Variants in CACNG3 observed in about 807,000 individuals in gnomAD.
The protein encoded by CACNG3 is calcium voltage-gated channel auxiliary subunit gamma 3, also known as voltage-dependent calcium channel gamma-3 subunit.
A neutral mutation model predicts 28.5 loss-of-function variants in CACNG3; 3 were observed. That is an observed-to-expected ratio of 0.11 (90% confidence interval 0.05 to 0.27). The LOEUF (loss-of-function observed/expected upper bound fraction) is 0.27. Ranked by LOEUF, CACNG3 falls within the 10% of genes least tolerant of loss-of-function variation. The pLI, the probability that CACNG3 is intolerant of heterozygous loss-of-function variation, is 1.00. For missense variants in CACNG3, 236 were observed against 414.4 expected (o/e 0.57, Z 3.74); for synonymous variants, 174 against 162.2 (o/e 1.07, Z -0.55).
intron 1 of CACNG3, among the ~76,000 whole-genome samples, chr16:24,310,892 G>A (rs2141364416): frequency 6.6e-6 from 1 of 152,228 alleles, no homozygotes; most frequent in East Asian, 1.9e-4. Context: ...ATCCTTCCCT[G>A]AGCCTCTCAG....
At chr16:24,328,199 A>T (rs1272241832) in intron 1 of CACNG3, among the ~76,000 whole-genome samples, 1 of 152,054 alleles carries the variant, frequency 6.6e-6, no homozygotes, top group African/African-American at 2.4e-5. Context: ...AGATTATTGG[A>T]TGGCATCAGC....
At position 24,289,731 on chromosome 16, in the gene CACNG3, G is replaced by C. The variant is rs541577753; in HGVS notation, c.211+32766G>C. Among the ~76,000 whole-genome samples the C allele has an allele frequency of 1.2e-4, 19 of 152,322 alleles. No homozygotes were observed. In the South Asian group the frequency reaches 3.9e-3, roughly 32 times the overall value. ...ACGCTCTGTGGCACTAGACTGCCTG[G>C]ATTTGCAGATCCACTACCTGAAGGA... On this transcript the variant is annotated intron_variant, in intron 1 of 3. Transcript: ENST00000005284.
intron 1 of CACNG3, among the ~76,000 whole-genome samples, chr16:24,264,472 A>C (rs1355230964): frequency 6.6e-6 from 1 of 152,230 alleles, no homozygotes; most frequent in Admixed American, 6.5e-5. Flanking sequence ...GTAGGAAGGT[A>C]CCATAGGACC....
chr16:24,360,370 G>C (rs1320488057), intron 3 of CACNG3, among the ~76,000 whole-genome samples: 1 of 152,168 alleles, frequency 6.6e-6, no homozygotes, highest in African/African-American at 2.4e-5. Context: ...TCTCCAGTGG[G>C]CTAAGCAGCT....
At chr16:24,286,207 A>G (rs899236174) in intron 1 of CACNG3, among the ~76,000 whole-genome samples, 1 of 151,866 alleles carries the variant, frequency 6.6e-6, no homozygotes, top group Non-Finnish European at 1.5e-5. Context: ...TGTCATTGTC[A>G]TTCTTGTCAC....
At chr16:24,311,792 G>A (rs913467167) in intron 1 of CACNG3, among the ~76,000 whole-genome samples, 4 of 152,264 alleles carry the variant, frequency 2.6e-5, no homozygotes, top group Admixed American at 2.0e-4. Flanking sequence ...GGAGGTGGAG[G>A]TGAGCCCATA....
Position 24,256,602 on chromosome 16 carries a change from C to T in CACNG3, c.-153C>T, listed in dbSNP as rs938194480. On this transcript the variant is annotated 5_prime_UTR_variant, in exon 1 of 4. Transcript: ENST00000005284. This position sits in a 1 kb window ranked among gnomAD's most constrained non-coding sequence, Gnocchi z 4.6. ...TGGAGAGAGCTCCAGAAAGGAAATC[C>T]CAGCTTTCCCAAAGTCCCTGTGGAT... 2.5e-5 allele frequency: 16 copies of T among 637,910 alleles called. No homozygotes were observed. In the African/African-American group the frequency reaches 2.7e-4, roughly 11 times the overall value. The allele number at this position is 637,910 out of a possible 1,614,324, so 39.5% of individuals were successfully genotyped here.
chr16:24,339,606 G>T (rs761473134), intron 1 of CACNG3, among the ~76,000 whole-genome samples: 1 of 152,028 alleles, frequency 6.6e-6, no homozygotes, highest in African/African-American at 2.4e-5. Flanking sequence ...GGCTGGCCTC[G>T]AACTCCAGAC....
intron 1 of CACNG3, among the ~76,000 whole-genome samples, chr16:24,346,327 T>A (rs1035151028): frequency 6.6e-5 from 10 of 152,146 alleles, no homozygotes; most frequent in African/African-American, 1.4e-4. Flanking sequence ...ATCCTAGCAC[T>A]TTGGGAGGCT....
intron 1 of CACNG3, among the ~76,000 whole-genome samples, chr16:24,261,270 T>C (rs927389774): frequency 2.6e-5 from 4 of 152,152 alleles, no homozygotes; most frequent in African/African-American, 9.7e-5. Context: ...GTATTGTAAC[T>C]GAAACTCGGT....
chr16:24,317,111 T>A (rs76832246), intron 1 of CACNG3, among the ~76,000 whole-genome samples: 3,634 of 152,252 alleles, frequency 0.024, 126 homozygotes, highest in African/African-American at 0.073. Flanking sequence ...TCATCATTAT[T>A]GCCCACACAT....
intron 2 of CACNG3, among the ~76,000 whole-genome samples, chr16:24,352,106 G>C (rs1216652280): frequency 6.6e-6 from 1 of 151,958 alleles, no homozygotes; most frequent in Admixed American, 6.6e-5. Context: ...ATCCCTCCTA[G>C]GCCCACAGGT....
chr16:24,351,661 C>CGAAAGAAAGAAAGAAA (rs146309041), intron 2 of CACNG3, among the ~76,000 whole-genome samples: 58 of 111,130 alleles, frequency 5.2e-4, no homozygotes, highest in East Asian at 2.1e-3. Context: ...GAAAGACAGA[C>CGAAAGAAAGAAAGAAA]GAAAGAAAGA....
At chr16:24,346,634 A>G (rs1039502458) in intron 1 of CACNG3, 100 bp from the exon 2 acceptor site, 1 of 792,286 alleles carries the variant, frequency 1.3e-6, no homozygotes, top group Non-Finnish European at 2.1e-6. Flanking sequence ...ACAGCCCCCA[A>G]CAACCAGAGA....
intron 1 of CACNG3, among the ~76,000 whole-genome samples, chr16:24,277,544 G>C (rs558860558): frequency 5.9e-5 from 9 of 152,270 alleles, no homozygotes; most frequent in African/African-American, 2.2e-4. Flanking sequence ...GGAGGCCGAG[G>C]TGCGCGGATC....
At chr16:24,302,283 T>A (rs1165983965) in intron 1 of CACNG3, among the ~76,000 whole-genome samples, 1 of 152,162 alleles carries the variant, frequency 6.6e-6, no homozygotes, top group African/African-American at 2.4e-5. Context: ...CCTGGGTCTG[T>A]AAAAATAAGC....
At chr16:24,269,148 T>C (rs1038282668) in intron 1 of CACNG3, among the ~76,000 whole-genome samples, 1 of 152,082 alleles carries the variant, frequency 6.6e-6, no homozygotes, top group Non-Finnish European at 1.5e-5. Context: ...AGCCTGCAGG[T>C]TGTAGGAAAT....
chr16:24,342,013 A>ATTCCCT (rs1212698590), intron 1 of CACNG3, among the ~76,000 whole-genome samples: 1 of 152,234 alleles, frequency 6.6e-6, no homozygotes, highest in African/African-American at 2.4e-5. Flanking sequence ...CACGCCTGTC[A>ATTCCCT]TCCCAGCGCT....
At chr16:24,289,034 G>T (rs1898930176) in intron 1 of CACNG3, among the ~76,000 whole-genome samples, 1 of 152,160 alleles carries the variant, frequency 6.6e-6, no homozygotes, top group Non-Finnish European at 1.5e-5. Context: ...GTCTTTCCTG[G>T]CCAGGGATGC....
Sources: allele counts gnomAD v4.1 joint callset (sites outside exome capture counted in the v4.1 genomes callset), GRCh38; gene constraint gnomAD v4.1.1; non-coding constraint Gnocchi (gnomAD v3.1); transcripts MANE v1.5; gene names NCBI Gene and HGNC (gene_info 2026-07-23, HGNC 2026-07-21).